TPTE: variants seen among roughly 807,000 people sequenced by gnomAD.
TPTE encodes the protein transmembrane phosphatase with tensin homology.
In TPTE, 59 loss-of-function variants were observed where a neutral mutation model predicts 84.1. The ratio of observed to expected loss-of-function variants is 0.70; its 90% CI spans 0.57 to 0.87. TPTE has a LOEUF of 0.87. Ranked by LOEUF, TPTE falls within the 40% of genes least tolerant of loss-of-function variation. The pLI is 0.00. For missense variants in TPTE, 382 were observed against 659.6 expected (o/e 0.58, Z 4.61); for synonymous variants, 130 against 223.5 (o/e 0.58, Z 3.73).
At chr21:10,558,676 G>T (rs2074731963) in intron 8 of TPTE, among the ~76,000 whole-genome samples, 1 of 152,302 alleles carries the variant, frequency 6.6e-6, no homozygotes, top group African/African-American at 2.4e-5. Flanking sequence ...ATGGCTCTTG[G>T]GGTGGAATTT....
chr21:10,570,202 A>C (rs1351679646), intron 13 of TPTE, among the ~76,000 whole-genome samples: 2 of 152,308 alleles, frequency 1.3e-5, no homozygotes, highest in African/African-American at 2.4e-5. Context: ...TAAGAAATAA[A>C]TTCTAAGAAC....
intron 7 of TPTE, among the ~76,000 whole-genome samples, chr21:10,546,915 T>C (rs1026402445): frequency 3.9e-5 from 6 of 152,308 alleles, no homozygotes; most frequent in Non-Finnish European, 8.8e-5. Context: ...CAGCAAGTTA[T>C]CCAGAAGATC....
At chr21:10,590,917 C>G (rs562101333) in intron 18 of TPTE, among the ~76,000 whole-genome samples, 195 of 151,814 alleles carry the variant, frequency 1.3e-3, no homozygotes, top group African/African-American at 4.5e-3. Context: ...GGGAGTAAAG[C>G]CATGTTACAC....
At chr21:10,579,176 A>G (rs1032569318) in intron 17 of TPTE, among the ~76,000 whole-genome samples, 1 of 152,420 alleles carries the variant, frequency 6.6e-6, no homozygotes, top group Admixed American at 6.5e-5. Flanking sequence ...ATGTTGTACA[A>G]TAAATTTCCT....
Position 10,605,576 on chromosome 21 carries a change from G to C in TPTE, c.*24G>C. 1 of 1,613,830 alleles carries C rather than the reference G, an allele frequency of 6.2e-7. No individual in the cohort carries two copies. Among genetic ancestry groups the C allele is most frequent in the Non-Finnish European group, 8.5e-7 (1 of 1,179,798 alleles). The stretch of plus-strand genomic sequence containing the variant: ...AAGTATAGCTCCCCCTTCCCCTTCT[G>C]GGAAAGAATTATGTTCTTTCCAACC... On this transcript the variant is annotated 3_prime_UTR_variant, in exon 24 of 24. Coordinates refer to ENST00000618007, the MANE Select transcript of TPTE (RefSeq NM_199261.4).
intron 1 of TPTE, among the ~76,000 whole-genome samples, chr21:10,522,817 A>G (rs1346687635): frequency 2.6e-5 from 4 of 152,308 alleles, no homozygotes; most frequent in African/African-American, 9.6e-5. Flanking sequence ...ATAATGATCA[A>G]ATCATGGTAA....
chr21:10,562,889 A>G (rs2074837408), intron 10 of TPTE, among the ~76,000 whole-genome samples: 1 of 152,310 alleles, frequency 6.6e-6, no homozygotes, highest in Admixed American at 6.5e-5. Context: ...AGATATCAAT[A>G]TCCAAGTACA....
intron 10 of TPTE, among the ~76,000 whole-genome samples, chr21:10,564,569 T>C (rs1188718184): frequency 2.2e-4 from 34 of 152,408 alleles, no homozygotes; most frequent in African/African-American, 8.2e-4. Context: ...AACATGCTAA[T>C]ATATCTGATA....
intron 17 of TPTE, among the ~76,000 whole-genome samples, chr21:10,583,391 C>A (rs1434750340): frequency 6.6e-6 from 1 of 152,300 alleles, no homozygotes; most frequent in South Asian, 2.1e-4. Context: ...TGTAAAGTAA[C>A]TTTTTAATTT....
intron 22 of TPTE, among the ~76,000 whole-genome samples, chr21:10,603,019 T>C (rs113529357): frequency 0.017 from 2,471 of 148,464 alleles, no homozygotes; most frequent in African/African-American, 0.062. Flanking sequence ...GTGAGTCAAG[T>C]AGGTTATATT....
chr21:10,532,321 A>G lies in TPTE; in HGVS notation c.-44+4909A>G, dbSNP rs1261723221. ...TATTAGCATATAATTGAATAATCTTATTTTAAAAAAATTTAGTTGTGTTCT... is the reference window on the plus strand; with the variant it reads ...TATTAGCATATAATTGAATAATCTTGTTTTAAAAAAATTTAGTTGTGTTCT... On this transcript the variant is annotated intron_variant, in intron 3 of 23. Transcript: ENST00000618007. 5.9e-5 allele frequency among the ~76,000 whole-genome samples: 9 copies of G among 152,416 alleles called. No individual in the cohort carries two copies. In the East Asian group the frequency reaches 1.5e-3, roughly 26 times the overall value.
intron 17 of TPTE, among the ~76,000 whole-genome samples, chr21:10,583,461 G>C (rs1230321871): frequency 6.6e-6 from 1 of 152,304 alleles, no homozygotes. Flanking sequence ...AGTTCTTTGT[G>C]TATTCTGATT....
intron 21 of TPTE, among the ~76,000 whole-genome samples, chr21:10,599,840 T>G (rs2145800165): frequency 6.6e-6 from 1 of 152,426 alleles, no homozygotes; most frequent in East Asian, 1.9e-4. Context: ...GGTTCTTTCT[T>G]TCCTTCCTTT....
At chr21:10,521,810 C>T (rs1332563982) in intron 1 of TPTE, 116 bp downstream of exon 1, 1 of 152,364 alleles carries the variant, frequency 6.6e-6, no homozygotes. Flanking sequence ...TGGCTGAACC[C>T]CTCGCCCGCG....
intron 14 of TPTE, chr21:10,576,617 A>G (rs1398619940): frequency 6.6e-6 from 1 of 152,540 alleles, no homozygotes; most frequent in African/African-American, 2.4e-5. Context: ...CCTTCATTTT[A>G]TTTTTCTCAA....
At chr21:10,602,245 G>A in intron 22 of TPTE, 95 bp downstream of exon 22, 2 of 1,443,564 alleles carry the variant, frequency 1.4e-6, no homozygotes, top group Non-Finnish European at 9.8e-7. Context: ...CAAGGGAGGG[G>A]TAGGGGGAAG....
chr21:10,599,267 T>C (rs1356646112), intron 21 of TPTE, among the ~76,000 whole-genome samples: 2 of 151,220 alleles, frequency 1.3e-5, no homozygotes, highest in African/African-American at 4.9e-5. Flanking sequence ...CTCCTTCCTT[T>C]CTGTTCTCAC....
chr21:10,584,361 C>T (rs1420592947), intron 17 of TPTE, among the ~76,000 whole-genome samples: 2 of 144,490 alleles, frequency 1.4e-5, no homozygotes, highest in Non-Finnish European at 1.5e-5. Context: ...TTTTTTGAGG[C>T]AGTCTCATTC....
At chr21:10,572,911 G>T (rs1458862638) in intron 14 of TPTE, among the ~76,000 whole-genome samples, 3 of 152,274 alleles carry the variant, frequency 2.0e-5, no homozygotes, top group South Asian at 2.1e-4. Flanking sequence ...AAAAAAAAAG[G>T]TGAAGAAAAG....
Sources: allele counts gnomAD v4.1 joint callset (sites outside exome capture counted in the v4.1 genomes callset), GRCh38; gene constraint gnomAD v4.1.1; transcripts MANE v1.5; gene names NCBI Gene and HGNC (gene_info 2026-07-23, HGNC 2026-07-21).